Variants in GRM5 observed in about 807,000 individuals in gnomAD.
The protein encoded by GRM5 is glutamate metabotropic receptor 5, also known as metabotropic glutamate receptor 5.
In GRM5, 19 loss-of-function variants were observed where a neutral mutation model predicts 83.1. That is an observed-to-expected ratio of 0.23 (90% confidence interval 0.16 to 0.34). The LOEUF is 0.34. Among genes scored for constraint, GRM5 ranks in the 10% least tolerant of loss-of-function variants. The probability of loss-of-function intolerance (pLI) is 1.00; values close to 1 mark genes in which losing one functional copy is unlikely to be tolerated. For missense variants in GRM5, 1,160 were observed against 1,588.3 expected (o/e 0.73, Z 4.58); for synonymous variants, 675 against 633.6 (o/e 1.07, Z -0.98).
At chr11:88,648,626 A>C (rs1452016173) in intron 4 of GRM5, among the ~76,000 whole-genome samples, 1 of 117,038 alleles carries the variant, frequency 8.5e-6, no homozygotes, top group Non-Finnish European at 1.9e-5. Flanking sequence ...CACAATGTGC[A>C]CATGTACCCT....
intron 3 of GRM5, among the ~76,000 whole-genome samples, chr11:88,791,060 T>C (rs1268919096): frequency 6.6e-6 from 1 of 152,066 alleles, no homozygotes; most frequent in Non-Finnish European, 1.5e-5. Context: ...CTGCAAACAG[T>C]GACAGTGTGA....
intron 2 of GRM5, among the ~76,000 whole-genome samples, chr11:88,893,434 A>T (rs1274455739): frequency 1.3e-5 from 2 of 151,982 alleles, no homozygotes; most frequent in Admixed American, 1.3e-4. Flanking sequence ...TCCTAAAAAG[A>T]ATAGTTGGTC....
intron 2 of GRM5, among the ~76,000 whole-genome samples, chr11:88,901,984 C>A (rs1402316343): frequency 6.6e-6 from 1 of 152,028 alleles, no homozygotes; most frequent in South Asian, 2.1e-4. Flanking sequence ...CATTTCAGGG[C>A]GTGGTTGCCA....
chr11:88,740,855 G>A (rs187932595), intron 3 of GRM5, among the ~76,000 whole-genome samples: 2 of 152,120 alleles, frequency 1.3e-5, no homozygotes, highest in East Asian at 3.9e-4. Flanking sequence ...TAAAGGATTT[G>A]GCAGGTTGGA....
At position 88,912,046 on chromosome 11, in the gene GRM5, C is replaced by G. The variant is rs1183317411; in HGVS notation, c.662-61891G>C. On this transcript the variant is annotated intron_variant, in intron 2 of 9. Transcript: ENST00000305447. ...TGAGAAGTCACAAATAAGTATTGTA[C>G]AATACTGTAAGTATTGGCGAAGTTC... The G allele has an allele frequency of 8.5e-6, 4 of 468,486 alleles. No homozygotes were observed. The East Asian group carries it at 2.8e-4, about 33-fold the overall frequency. The allele number at this position is 468,486 out of a possible 1,614,324, so 29.0% of individuals were successfully genotyped here. A position where few individuals can be genotyped will look rare whatever the true frequency, so the allele number is the denominator to read the frequency against.
At chr11:88,766,433 C>A (rs1405374279) in intron 3 of GRM5, among the ~76,000 whole-genome samples, 13 of 151,978 alleles carry the variant, frequency 8.6e-5, no homozygotes, top group Non-Finnish European at 1.5e-5. Context: ...CATTGACAAA[C>A]CTAGCAAAAA....
At chr11:88,538,140 G>T (rs201034661) in intron 8 of GRM5, among the ~76,000 whole-genome samples, 1 of 150,908 alleles carries the variant, frequency 6.6e-6, no homozygotes. Flanking sequence ...AACCAACCAC[G>T]GGAGAATAGT....
chr11:88,891,028 A>G (rs569021662), intron 2 of GRM5, among the ~76,000 whole-genome samples: 1 of 152,116 alleles, frequency 6.6e-6, no homozygotes, highest in Non-Finnish European at 1.5e-5. Context: ...TTGTGGAAAG[A>G]TGGTCTTTTC....
At chr11:88,564,358 G>T (rs1942826438) in intron 8 of GRM5, among the ~76,000 whole-genome samples, 1 of 152,168 alleles carries the variant, frequency 6.6e-6, no homozygotes, top group African/African-American at 2.4e-5. Flanking sequence ...TTTTCTAGTG[G>T]TTGGCACTAT....
chr11:88,778,092 A>T (rs7102764), intron 3 of GRM5, among the ~76,000 whole-genome samples: 75,175 of 151,116 alleles, frequency 0.5, 22,551 homozygotes, highest in Non-Finnish European at 0.7. Context: ...GGCCTTGTTG[A>T]CCTGTGATGG....
chr11:88,566,169 C>T (rs1188536568), intron 8 of GRM5, among the ~76,000 whole-genome samples: 2 of 152,224 alleles, frequency 1.3e-5, no homozygotes, highest in Non-Finnish European at 2.9e-5. Context: ...ACACATTACA[C>T]TTCTTAAATA....
At chr11:88,929,249 T>C (rs1321636272) in intron 2 of GRM5, among the ~76,000 whole-genome samples, 1 of 152,040 alleles carries the variant, frequency 6.6e-6, no homozygotes, top group African/African-American at 2.4e-5. Flanking sequence ...AATTATCATT[T>C]AAAGAAAATT....
intron 3 of GRM5, among the ~76,000 whole-genome samples, chr11:88,706,645 C>A (rs1941166286): frequency 6.6e-6 from 1 of 152,046 alleles, no homozygotes; most frequent in Non-Finnish European, 1.5e-5. Context: ...AAACTGCTTT[C>A]TAAGGTGATT....
intron 2 of GRM5, among the ~76,000 whole-genome samples, chr11:89,028,886 C>T (rs1407107085): frequency 2.6e-5 from 4 of 152,078 alleles, no homozygotes; most frequent in African/African-American, 7.2e-5. Flanking sequence ...TTGCTGCACC[C>T]GTCAACCCGT....
chr11:88,943,156 A>T (rs1389997928), intron 2 of GRM5, among the ~76,000 whole-genome samples: 1 of 152,110 alleles, frequency 6.6e-6, no homozygotes, highest in Non-Finnish European at 1.5e-5. Context: ...AGAACCACTG[A>T]ACTCTAAGAC....
chr11:89,034,846 T>C (rs1591065740), intron 2 of GRM5, among the ~76,000 whole-genome samples: 2 of 45,846 alleles, frequency 4.4e-5, no homozygotes, highest in Admixed American at 2.8e-4. Flanking sequence ...CCTCAAATCC[T>C]TTTTTTTTTT....
At chr11:88,829,462 A>AAAAC (rs150935681) in intron 3 of GRM5, among the ~76,000 whole-genome samples, 12,257 of 152,146 alleles carry the variant, frequency 0.081, 875 homozygotes, top group African/African-American at 0.2. Context: ...CTTGGTCTCA[A>AAAAC]AAACAAACAA....
chr11:88,570,294 T>G (rs931392127), intron 7 of GRM5, among the ~76,000 whole-genome samples: 1 of 151,934 alleles, frequency 6.6e-6, no homozygotes, highest in East Asian at 1.9e-4. Context: ...GCTTTAAATT[T>G]TAAAAAATTG....
At position 88,534,068 on chromosome 11, in the gene GRM5, G is replaced by A. The variant is rs181368908; in HGVS notation, c.2631-8664C>T. Among the ~76,000 whole-genome samples, 323 of 152,326 alleles carry A rather than the reference G, an allele frequency of 2.1e-3. 2 individuals carry two copies. The highest frequency in any genetic ancestry group is 3.2e-3 in the Non-Finnish European group (216 of 68,026). On this transcript the variant is annotated intron_variant, in intron 8 of 9. Coordinates refer to ENST00000305447, the MANE Select transcript of GRM5 (RefSeq NM_001143831.3). ...AGGAACCACCTAGATTTCAGAAGAT[G>A]TATGAAAATGTCTGACGTCCAGGCA...
Sources: allele counts gnomAD v4.1 joint callset (sites outside exome capture counted in the v4.1 genomes callset), GRCh38; gene constraint gnomAD v4.1.1; transcripts MANE v1.5; gene names NCBI Gene and HGNC (gene_info 2026-07-23, HGNC 2026-07-21).